Variants in RIF1 observed in about 807,000 individuals in gnomAD.
RIF1 encodes replication timing regulatory factor 1.
In RIF1, 45 loss-of-function variants were observed where a neutral mutation model predicts 247.1. That is an observed-to-expected ratio of 0.18 (90% CI 0.14 to 0.23). RIF1 has a LOEUF of 0.23. Ranked by LOEUF, RIF1 falls within the 10% of genes least tolerant of loss-of-function variation. The probability of loss-of-function intolerance (pLI) is 1.00; values close to 1 mark genes in which losing one functional copy is unlikely to be tolerated. For synonymous variants in RIF1, 1,087 were observed against 978.8 expected (o/e 1.11, Z -2.06); for missense variants, 2,967 against 2,862.5 (o/e 1.04, Z -0.83).
At chr2:151,519,089 A>G in the RIF1 span, 10 of 1,474,376 alleles carry the variant, frequency 6.8e-6, 1 homozygote, top group South Asian at 1.0e-4. Context: ...ATGGGGGAAG[A>G]AAGGAAATCA....
Position 151,450,981 on chromosome 2 carries a change from A to T in RIF1, c.2245-625A>T, listed in dbSNP as rs147892076. Among the ~76,000 whole-genome samples, 351 of 152,304 alleles carry T rather than the reference A, an allele frequency of 2.3e-3. 9 individuals carry two copies. In the East Asian group the frequency reaches 0.046, roughly 20 times the overall value. ...TTGATAGAGAATCTGTGATCCTAGT[A>T]TTTCCAATCTCAGTTTATTGGTTGA... On this transcript the variant is annotated intron_variant, in intron 20 of 35. Transcript: ENST00000444746.
In RIF1 at chr2:151,463,938, C is replaced by G; in HGVS notation, c.4418C>G (p.Thr1473Ser). The G allele has an allele frequency of 6.2e-7, 1 of 1,612,904 alleles. No individual in the cohort carries two copies. Among genetic ancestry groups the G allele is most frequent in the South Asian group, 1.1e-5 (1 of 90,760 alleles). ...LPKQKLIAEQ[T>S]LQENLIEKGS... ...AAACAAAAACTGATTGCTGAACAAA[C>G]TCTACAGGAGAATTTAATTGAGAAA... The change falls in exon 30 of 36, where the codon ACT becomes AGT. Residue 1473 changes from threonine to serine, a missense_variant. Thr to Ser is a moderately conservative substitution (Grantham distance 58). Transcript: ENST00000444746.
chr2:151,468,235 A>G, intron 31 of RIF1, 89 bp downstream of exon 31: 1 of 1,241,680 alleles, frequency 8.1e-7, no homozygotes, highest in Non-Finnish European at 1.1e-6. Flanking sequence ...TATATATGTG[A>G]AAAACTTCTT....
intron 3 of RIF1, among the ~76,000 whole-genome samples, chr2:151,412,865 C>T (rs1051081230): frequency 6.6e-6 from 1 of 152,100 alleles, no homozygotes; most frequent in Admixed American, 6.6e-5. Context: ...ATACTGCCTA[C>T]TCTTGGTGGT....
chr2:151,489,469 G>A (rs918055420), intron 9 of RIF1, among the ~76,000 whole-genome samples: 1 of 152,160 alleles, frequency 6.6e-6, no homozygotes, highest in Non-Finnish European at 1.5e-5. Context: ...TGCAGTTATG[G>A]CTCACTGCAA....
rs4592848 is a variant in RIF1, at chr2:151,481,308, G to A, written c.*6237G>A. The A allele has an allele frequency of 0.26, 39,320 of 152,094 alleles. 6,188 individuals carry two copies. Among genetic ancestry groups the A allele is most frequent in the Non-Finnish European group, 0.36 (24,214 of 67,964 alleles). The allele number at this position is 152,094 out of a possible 1,614,324, so 9.4% of individuals were successfully genotyped here. ...AATGGCTTCTCCTGATTTTACTTACGTGTTTTACTATTGCTCAAATTACAG... is the reference window on the plus strand; with the variant it reads ...AATGGCTTCTCCTGATTTTACTTACATGTTTTACTATTGCTCAAATTACAG... On this transcript the variant is annotated 3_prime_UTR_variant, in exon 36 of 36. Coordinates refer to ENST00000444746, the MANE Select transcript of RIF1 (RefSeq NM_018151.5).
the RIF1 span, among the ~76,000 whole-genome samples, chr2:151,533,007 G>A: frequency 6.6e-6 from 1 of 152,150 alleles, no homozygotes; most frequent in Non-Finnish European, 1.5e-5. Context: ...TCATAGAGCT[G>A]CACGGTAATC....
At chr2:151,509,797 A>G (rs2072599652), downstream of RIF1, among the ~76,000 whole-genome samples, 1 of 152,084 alleles carries the variant, frequency 6.6e-6, no homozygotes, top group Non-Finnish European at 1.5e-5. Flanking sequence ...CCAGCTAATG[A>G]TGGGGTTTCA....
chr2:151,470,430 T>C (rs1313894777), intron 34 of RIF1, among the ~76,000 whole-genome samples: 2 of 152,134 alleles, frequency 1.3e-5, no homozygotes, highest in Non-Finnish European at 2.9e-5. Context: ...ACCAGAAATG[T>C]TTTGGACTTC....
chr2:151,439,271 C>T lies in RIF1; in HGVS notation c.1546+525C>T, dbSNP rs771066503. On this transcript the variant is annotated intron_variant, in intron 14 of 35. Coordinates refer to ENST00000444746, the MANE Select transcript of RIF1 (RefSeq NM_018151.5). ...GGAGTGGACTCATGCCGTCCAAACC[C>T]GTGTCGTTCAAGGGTCAACTGTACT... 2.6e-5 allele frequency among the ~76,000 whole-genome samples: 4 copies of T among 152,084 alleles called. 1 individual carries two copies. The highest frequency in any genetic ancestry group is 1.3e-4 in the Admixed American group (2 of 15,264).
At chr2:151,410,860 C>A (rs1031624359) in intron 2 of RIF1, among the ~76,000 whole-genome samples, 2 of 91,006 alleles carry the variant, frequency 2.2e-5, no homozygotes, top group African/African-American at 7.2e-5. Flanking sequence ...AATGTGGCTA[C>A]CCAGAGTTTT....
chr2:151,420,062 A>G (rs1313859621), intron 6 of RIF1, 128 bp from the exon 7 acceptor site: 4 of 722,344 alleles, frequency 5.5e-6, no homozygotes, highest in Middle Eastern at 3.7e-4. Flanking sequence ...TTGTGTGTAT[A>G]TGCATATTTG....
intron 23 of RIF1, among the ~76,000 whole-genome samples, chr2:151,457,370 G>T (rs554075263): frequency 6.6e-6 from 1 of 152,106 alleles, no homozygotes; most frequent in Admixed American, 6.5e-5. Flanking sequence ...CAGTCTGCCC[G>T]CTTTGGCTTC....
Position 151,437,221 on chromosome 2 carries a change from C to T in RIF1, c.1373-20C>T. ...TAAATCTGTTGTTTTACATAATTAT[C>T]TTTTATTCTTCCCTTTCAGAGCCAT... On this transcript the variant is annotated intron_variant, in intron 12 of 35. Coordinates refer to ENST00000444746, the MANE Select transcript of RIF1 (RefSeq NM_018151.5). The T allele has an allele frequency of 6.4e-7, 1 of 1,555,406 alleles. No homozygotes were observed. The highest frequency in any genetic ancestry group is 8.9e-7 in the Non-Finnish European group (1 of 1,128,412).
intron 12 of RIF1, among the ~76,000 whole-genome samples, chr2:151,503,950 A>T (rs1022949905): frequency 3.3e-5 from 5 of 152,190 alleles, no homozygotes; most frequent in African/African-American, 1.2e-4. Flanking sequence ...TGGCTTAATC[A>T]GTTTATTTTT....
the RIF1 span, among the ~76,000 whole-genome samples, chr2:151,521,702 T>C: frequency 6.6e-6 from 1 of 152,232 alleles, no homozygotes; most frequent in Non-Finnish European, 1.5e-5. Context: ...AGCAATCCCA[T>C]TGATTCCACT....
intron 27 of RIF1, among the ~76,000 whole-genome samples, chr2:151,461,984 C>T (rs1209811796): frequency 1.3e-5 from 2 of 152,144 alleles, no homozygotes; most frequent in African/African-American, 4.8e-5. Flanking sequence ...AGTGATCTTC[C>T]CGCATCAACC....
chr2:151,522,569 T>C, the RIF1 span, among the ~76,000 whole-genome samples: 3 of 152,150 alleles, frequency 2.0e-5, no homozygotes, highest in Non-Finnish European at 4.4e-5. Flanking sequence ...AAGAAGGGTG[T>C]ATGCAAAAGT....
intron 9 of RIF1, among the ~76,000 whole-genome samples, chr2:151,432,801 C>T (rs1241269816): frequency 6.6e-6 from 1 of 152,106 alleles, no homozygotes. Context: ...CTGAAGTATT[C>T]CCTGGTGGGA....
Sources: gnomAD v4.1 joint callset for allele counts (sites outside exome capture counted in the v4.1 genomes callset) on GRCh38, gnomAD v4.1.1 for gene constraint, MANE v1.5 for transcripts, NCBI Gene and HGNC (gene_info 2026-07-23, HGNC 2026-07-21) for gene names.